GRXCR1: variants seen among roughly 807,000 people sequenced by gnomAD.
The protein encoded by GRXCR1 is glutaredoxin and cysteine rich domain containing 1.
In GRXCR1, 27 loss-of-function variants were observed where a neutral mutation model predicts 27.3. The ratio of observed to expected loss-of-function variants is 0.99; its 90% CI spans 0.73 to 1.37. The LOEUF is 1.37. Among genes scored for constraint, GRXCR1 ranks in the 40% most tolerant of loss-of-function variants. The probability of loss-of-function intolerance (pLI) is 0.00; values close to 1 mark genes in which losing one functional copy is unlikely to be tolerated. For missense variants in GRXCR1, 379 were observed against 354.4 expected (o/e 1.07, Z -0.56); for synonymous variants, 122 against 131.1 (o/e 0.93, Z 0.47).
intron 3 of GRXCR1, among the ~76,000 whole-genome samples, chr4:43,024,745 G>C (rs1420777623): frequency 6.6e-6 from 1 of 152,128 alleles, no homozygotes; most frequent in Non-Finnish European, 1.5e-5. Flanking sequence ...AGGCAGAGGG[G>C]TGTTTAGTAG....
rs774193648 is a variant in GRXCR1 at position 42,893,640 on chromosome 4, A to T, written c.374A>T (p.Lys125Ile). 2 of 1,613,076 alleles carry T rather than the reference A, an allele frequency of 1.2e-6. No homozygotes were observed. Among genetic ancestry groups the T allele is most frequent in the East Asian group, 4.5e-5 (2 of 44,840 alleles). The change falls in exon 1 of 4, where the codon AAA becomes ATA. Residue 125 changes from lysine (K) to isoleucine (I), a missense_variant. Coordinates refer to ENST00000399770, the MANE Select transcript of GRXCR1 (RefSeq NM_001080476.3). ...AGQALFNNLTKVLQQPSTDLE... is the reference protein window; with the variant it reads ...AGQALFNNLTIVLQQPSTDLE... ...CAGGCTCTATTTAACAATTTGACCA[A>T]AGTATTACAGGTAAGTCATTGCTGT...
intron 3 of GRXCR1, among the ~76,000 whole-genome samples, chr4:43,026,101 G>GT (rs1190080205): frequency 1.3e-5 from 2 of 151,966 alleles, no homozygotes; most frequent in Non-Finnish European, 2.9e-5. Context: ...GTAGAAGTCT[G>GT]TTTCATCAAC....
At chr4:42,944,277 G>T (rs1312803879) in intron 1 of GRXCR1, among the ~76,000 whole-genome samples, 1 of 152,006 alleles carries the variant, frequency 6.6e-6, no homozygotes, top group Non-Finnish European at 1.5e-5. Flanking sequence ...TTGAGTTTGA[G>T]ATTGTATCAG....
At chr4:42,992,854 A>C (rs1181930707) in intron 2 of GRXCR1, among the ~76,000 whole-genome samples, 1 of 152,104 alleles carries the variant, frequency 6.6e-6, no homozygotes, top group Non-Finnish European at 1.5e-5. Flanking sequence ...AAAAATGTTA[A>C]AAATTTTGTA....
intron 1 of GRXCR1, among the ~76,000 whole-genome samples, chr4:42,932,615 TATATAGAGAGAGAGAGAGAGAGAG>T (rs1747351304): frequency 2.9e-5 from 1 of 33,956 alleles, no homozygotes; most frequent in Admixed American, 4.4e-4. Flanking sequence ...TATATATATA[TATATAGAGAGAGAGAGAGAGAGAG>T]AGAGAGAGAG....
At chr4:42,897,652 ATTTT>A (rs1464939217) in intron 1 of GRXCR1, among the ~76,000 whole-genome samples, 2 of 152,114 alleles carry the variant, frequency 1.3e-5, no homozygotes, top group African/African-American at 4.8e-5. Flanking sequence ...ATTCTGAGAG[ATTTT>A]GGAAATATTT....
intron 2 of GRXCR1, among the ~76,000 whole-genome samples, chr4:42,982,867 T>C (rs1299889233): frequency 6.6e-6 from 1 of 151,734 alleles, no homozygotes; most frequent in Non-Finnish European, 1.5e-5. Context: ...TTGAGAAGTG[T>C]CTGTTCATGT....
intron 2 of GRXCR1, among the ~76,000 whole-genome samples, chr4:43,013,644 A>G (rs1321407967): frequency 6.6e-6 from 1 of 152,208 alleles, no homozygotes; most frequent in Non-Finnish European, 1.5e-5. Context: ...AGTTTAAATT[A>G]CAAAAAAAGT....
rs546676343 is a variant in GRXCR1 at position 42,897,187 on chromosome 4, C to T, written c.384+3537C>T. ...TTGACATGATTGGATTTGAGATATA[C>T]TTTGCTGTTAGCAGCAAAATATTTC... is the stretch of plus-strand genomic sequence containing the variant. On this transcript the variant is annotated intron_variant, in intron 1 of 3. Transcript: ENST00000399770. 3.9e-5 allele frequency among the ~76,000 whole-genome samples: 6 copies of T among 152,266 alleles called. No homozygotes were observed. In the East Asian group the frequency reaches 1.2e-3, roughly 29 times the overall value.
intron 2 of GRXCR1, among the ~76,000 whole-genome samples, chr4:42,969,828 G>A (rs182508274): frequency 1.3e-4 from 20 of 152,038 alleles, no homozygotes; most frequent in Admixed American, 3.3e-4. Flanking sequence ...CTTCCCAACC[G>A]TCCCCCACAG....
At chr4:43,009,372 A>G (rs561272962) in intron 2 of GRXCR1, among the ~76,000 whole-genome samples, 67 of 152,292 alleles carry the variant, frequency 4.4e-4, no homozygotes, top group African/African-American at 1.6e-3. Flanking sequence ...AATTTTGGGT[A>G]TAAGAGTTCA....
chr4:42,998,884 A>G (rs2109795189), intron 2 of GRXCR1, among the ~76,000 whole-genome samples: 1 of 152,302 alleles, frequency 6.6e-6, no homozygotes, highest in South Asian at 2.1e-4. Flanking sequence ...TGATTGGCAA[A>G]TTGGTAGATT....
intron 2 of GRXCR1, among the ~76,000 whole-genome samples, chr4:42,981,664 G>A (rs890751159): frequency 3.3e-5 from 5 of 152,102 alleles, no homozygotes; most frequent in African/African-American, 1.2e-4. Context: ...GGGAAAGTCC[G>A]TCTTCACCTC....
chr4:42,995,328 A>G (rs1390944582), intron 2 of GRXCR1, among the ~76,000 whole-genome samples: 3 of 152,190 alleles, frequency 2.0e-5, no homozygotes, highest in Non-Finnish European at 1.5e-5. Context: ...CTGCTTTGGA[A>G]AATTTGCCAT....
rs568884209 is a variant in GRXCR1 at position 42,987,281 on chromosome 4, G to T, written c.627+24147G>T. 8.0e-3 allele frequency among the ~76,000 whole-genome samples: 816 copies of T among 102,090 alleles called. 4 individuals carry two copies. Among genetic ancestry groups the T allele is most frequent in the African/African-American group, 0.013 (360 of 27,682 alleles). 67.0% of individuals were successfully genotyped at this position (102,090 alleles called of 152,430 possible). ...TATATAATATATATATATATATAGA[G>T]AGAGAGAGAGAGAGAGAGAAAGAGA... is the stretch of plus-strand genomic sequence containing the variant. On this transcript the variant is annotated intron_variant, in intron 2 of 3. Coordinates refer to ENST00000399770, the MANE Select transcript of GRXCR1 (RefSeq NM_001080476.3).
chr4:42,985,939 C>T (rs748821213), intron 2 of GRXCR1, among the ~76,000 whole-genome samples: 14 of 152,090 alleles, frequency 9.2e-5, no homozygotes, highest in Non-Finnish European at 2.1e-4. Flanking sequence ...TTCTGGCCCT[C>T]AGGATTTATT....
chr4:43,007,130 G>A (rs1712585836), intron 2 of GRXCR1, among the ~76,000 whole-genome samples: 1 of 152,184 alleles, frequency 6.6e-6, no homozygotes, highest in Non-Finnish European at 1.5e-5. Flanking sequence ...AGGAAAATAA[G>A]TTAATTAGTT....
At chr4:42,918,674 CAT>C (rs1280119553) in intron 1 of GRXCR1, among the ~76,000 whole-genome samples, 5 of 152,086 alleles carry the variant, frequency 3.3e-5, no homozygotes, top group Admixed American at 1.3e-4. Flanking sequence ...TCTTTTGACA[CAT>C]GAGTTCTTTC....
intron 3 of GRXCR1, among the ~76,000 whole-genome samples, chr4:43,028,609 T>C (rs1456785124): frequency 1.3e-5 from 2 of 152,260 alleles, no homozygotes; most frequent in Non-Finnish European, 2.9e-5. Flanking sequence ...CTACATTATA[T>C]TCTTTCTAGT....
Sources: allele counts gnomAD v4.1 joint callset (sites outside exome capture counted in the v4.1 genomes callset), GRCh38; gene constraint gnomAD v4.1.1; transcripts MANE v1.5; gene names NCBI Gene and HGNC (gene_info 2026-07-23, HGNC 2026-07-21).